The following MAP3K9 variants were observed in gnomAD, a reference collection of about 807,000 sequenced individuals.
The protein encoded by MAP3K9 is mixed lineage kinase 1 (tyr and ser/thr specificity).
MAP3K9 carries 46 observed loss-of-function variants against 95.8 expected under a neutral mutation model. The ratio of observed to expected loss-of-function variants is 0.48; its 90% CI spans 0.38 to 0.61. The LOEUF is 0.61. Among genes scored for constraint, MAP3K9 ranks in the 20% least tolerant of loss-of-function variants. The probability of loss-of-function intolerance (pLI) is 0.00; values close to 1 mark genes in which losing one functional copy is unlikely to be tolerated. For missense variants in MAP3K9, 1,296 were observed against 1,474.3 expected (o/e 0.88, Z 1.98); for synonymous variants, 533 against 593.8 (o/e 0.90, Z 1.49).
At chr14:70,749,202 A>G (rs2054192215) in intron 4 of MAP3K9, among the ~76,000 whole-genome samples, 198 bp from the exon 5 acceptor site, 1 of 152,210 alleles carries the variant, frequency 6.6e-6, no homozygotes, top group Non-Finnish European at 1.5e-5. Flanking sequence ...AAGAGTGAAA[A>G]TGGAAATGAA....
At chr14:70,772,174 C>T (rs939419905) in intron 2 of MAP3K9, among the ~76,000 whole-genome samples, 55 of 152,204 alleles carry the variant, frequency 3.6e-4, no homozygotes, top group Non-Finnish European at 1.8e-4. Context: ...GCAGCTTCCG[C>T]ATTGTCAGCA....
chr14:70,789,129 A>G (rs2054779565), intron 2 of MAP3K9, among the ~76,000 whole-genome samples: 1 of 152,214 alleles, frequency 6.6e-6, no homozygotes, highest in Non-Finnish European at 1.5e-5. Context: ...ACGAGGCTGC[A>G]TTTTTCAGAG....
intron 8 of MAP3K9, 71 bp downstream of exon 8, chr14:70,738,174 T>C: frequency 6.9e-7 from 1 of 1,443,592 alleles, no homozygotes; most frequent in Non-Finnish European, 9.3e-7. Context: ...AAAAAAGTTA[T>C]TTCATATCCT....
chr14:70,730,298 C>A lies in MAP3K9; in HGVS notation c.*82G>T. 1.3e-6 allele frequency: 2 copies of A among 1,525,886 alleles called. No individual in the cohort carries two copies. The highest frequency in any genetic ancestry group is 1.8e-6 in the Non-Finnish European group (2 of 1,132,320). 94.5% of individuals were successfully genotyped at this position (1,525,886 alleles called of 1,614,324 possible). ...GAAGTAGGGCTGGATCTCAGGGGGT[C>A]CAACCCTGAGAAAGGGCTGTGCCCG... On this transcript the variant is annotated 3_prime_UTR_variant, in exon 12 of 12. Coordinates refer to ENST00000554752, the MANE Select transcript of MAP3K9 (RefSeq NM_001284230.2).
chr14:70,756,198 G>A (rs1202917468), intron 3 of MAP3K9, among the ~76,000 whole-genome samples: 1 of 152,084 alleles, frequency 6.6e-6, no homozygotes, highest in Non-Finnish European at 1.5e-5. Flanking sequence ...CTCTACATGC[G>A]GCATTTGTGC....
At chr14:70,803,630 G>A (rs1272158050) in intron 1 of MAP3K9, among the ~76,000 whole-genome samples, 1 of 152,132 alleles carries the variant, frequency 6.6e-6, no homozygotes, top group Non-Finnish European at 1.5e-5. Context: ...ATTTTGTAAT[G>A]CAACTGGCAG....
intron 7 of MAP3K9, among the ~76,000 whole-genome samples, chr14:70,739,502 TCA>T (rs141869536): frequency 0.019 from 2,754 of 148,378 alleles, 54 homozygotes; most frequent in African/African-American, 0.045. Flanking sequence ...AGGTGTATGT[TCA>T]CACACACACA....
chr14:70,738,480 A>C, intron 7 of MAP3K9, 82 bp from the exon 8 acceptor site: 1 of 1,221,720 alleles, frequency 8.2e-7, no homozygotes, highest in Non-Finnish European at 1.2e-6. Flanking sequence ...CACCACACAC[A>C]CACACACATT....
chr14:70,774,532 G>A (rs576293829), intron 2 of MAP3K9, among the ~76,000 whole-genome samples: 2 of 151,560 alleles, frequency 1.3e-5, no homozygotes, highest in Admixed American at 6.6e-5. Flanking sequence ...GCGTGGTGGT[G>A]GGCGCCTGTA....
intron 2 of MAP3K9, among the ~76,000 whole-genome samples, chr14:70,771,106 G>A (rs10143748): frequency 0.29 from 43,217 of 151,380 alleles, 6,565 homozygotes; most frequent in Admixed American, 0.34. Flanking sequence ...AATGTTCTAA[G>A]TCAGTTACCA....
chr14:70,777,979 G>A (rs1036202297), intron 2 of MAP3K9, among the ~76,000 whole-genome samples: 2 of 151,992 alleles, frequency 1.3e-5, no homozygotes, highest in African/African-American at 2.4e-5. Context: ...AGAAAAGGTC[G>A]ACAGTCACCT....
In MAP3K9 at chr14:70,728,832, C is replaced by T. The variant is rs1032338347; in HGVS notation, c.*1548G>A. 6.6e-6 allele frequency: 1 copy of T among 152,164 alleles called. No homozygotes were observed. Among genetic ancestry groups the T allele is most frequent in the African/African-American group, 2.4e-5 (1 of 41,422 alleles). 9.4% of individuals were successfully genotyped at this position (152,164 alleles called of 1,614,324 possible). On this transcript the variant is annotated 3_prime_UTR_variant, in exon 12 of 12. Coordinates refer to ENST00000554752, the MANE Select transcript of MAP3K9 (RefSeq NM_001284230.2). ...TGCAAGGAACCTGCTGAGTGACCTC[C>T]AAGACAAAAGACAGTGGAGCAGCAT...
At chr14:70,770,598 G>A (rs1305314934) in intron 2 of MAP3K9, among the ~76,000 whole-genome samples, 4 of 152,160 alleles carry the variant, frequency 2.6e-5, no homozygotes, top group South Asian at 2.1e-4. Flanking sequence ...AAGGAGGGGC[G>A]ACAGAAGCTT....
rs2055025903 is a variant in MAP3K9, at chr14:70,808,771, A to G, written c.401T>C (p.Ile134Thr). ...GGEDPSCYPP[I>T]QLLEIDFAEL... The stretch of plus-strand genomic sequence containing the variant: ...CGGCCCCGCCTTCGCCTTACACTGA[A>G]TGGGCGGGTAGCAACTGGGGTCCTC... Residue 134 changes from isoleucine (I) to threonine (T), a missense_variant, in exon 1 of 12, where the codon ATT becomes ACT. This residue lies in a region of MAP3K9 where 338 missense variants were observed against 363.4 expected (regional missense o/e 0.93). Coordinates refer to ENST00000554752, the MANE Select transcript of MAP3K9 (RefSeq NM_001284230.2). 5 of 1,551,930 alleles carry G rather than the reference A, an allele frequency of 3.2e-6. No individual in the cohort carries two copies. The highest frequency in any genetic ancestry group is 4.3e-6 in the Non-Finnish European group (5 of 1,152,774).
chr14:70,764,480 T>C (rs2054421866), intron 2 of MAP3K9, among the ~76,000 whole-genome samples: 1 of 151,948 alleles, frequency 6.6e-6, no homozygotes, highest in African/African-American at 2.4e-5. Flanking sequence ...ATGTTTCTTC[T>C]GGAACCTATG....
intron 2 of MAP3K9, among the ~76,000 whole-genome samples, chr14:70,767,055 C>T (rs2054465316): frequency 6.6e-6 from 1 of 152,112 alleles, no homozygotes; most frequent in Non-Finnish European, 1.5e-5. Context: ...GCCATGTCCC[C>T]TTTAGGAACC....
At chr14:70,769,185 T>C (rs1454539973) in intron 2 of MAP3K9, among the ~76,000 whole-genome samples, 1 of 152,196 alleles carries the variant, frequency 6.6e-6, no homozygotes, top group Non-Finnish European at 1.5e-5. Context: ...GAACAGCCAC[T>C]GCACTCCAAT....
At chr14:70,738,111 A>C in intron 8 of MAP3K9, 134 bp downstream of exon 8, 1 of 1,026,878 alleles carries the variant, frequency 9.7e-7, no homozygotes, top group Non-Finnish European at 1.4e-6. Context: ...AAACTGTTGT[A>C]AAGATCAAGA....
intron 1 of MAP3K9, among the ~76,000 whole-genome samples, chr14:70,806,479 G>A (rs117629172): frequency 4.0e-4 from 61 of 152,290 alleles, no homozygotes; most frequent in East Asian, 1.7e-3. Context: ...ATAAAAGAAC[G>A]TGTCAGGTCT....
Sources: allele counts gnomAD v4.1 joint callset (sites outside exome capture counted in the v4.1 genomes callset), GRCh38; gene constraint gnomAD v4.1.1; regional missense constraint gnomAD v4.1.1; transcripts MANE v1.5; gene names NCBI Gene and HGNC (gene_info 2026-07-23, HGNC 2026-07-21).